PDE7A: variants seen among roughly 807,000 people sequenced by gnomAD.
PDE7A encodes the protein phosphodiesterase 7A.
In PDE7A, 39 loss-of-function variants were observed where a neutral mutation model predicts 64.3. The ratio of observed to expected loss-of-function variants is 0.61; its 90% CI spans 0.47 to 0.79. The LOEUF (loss-of-function observed/expected upper bound fraction) is 0.79, where lower values mean the gene tolerates loss of function less well. PDE7A is among the 30% of genes least tolerant of loss of function. The pLI is 0.00. For synonymous variants in PDE7A, 203 were observed against 206.8 expected (o/e 0.98, Z 0.16); for missense variants, 470 against 582.8 (o/e 0.81, Z 1.99).
chr8:65,729,221 T>C (rs1806732846), intron 7 of PDE7A, among the ~76,000 whole-genome samples: 1 of 152,166 alleles, frequency 6.6e-6, no homozygotes, highest in African/African-American at 2.4e-5. Flanking sequence ...AAAGCCATCA[T>C]TAGGGTTCTT....
At chr8:65,766,748 C>T (rs1268522810) in intron 3 of PDE7A, among the ~76,000 whole-genome samples, 10 of 152,176 alleles carry the variant, frequency 6.6e-5, no homozygotes, top group Admixed American at 6.5e-4. Context: ...TAAATTTTCC[C>T]AGCATCAGTC....
In PDE7A at chr8:65,779,737, T is replaced by C. The variant is rs1809359315; in HGVS notation, c.266A>G (p.Asp89Gly). The C allele has an allele frequency of 6.3e-7, 1 of 1,576,304 alleles. No individual in the cohort carries two copies. Among genetic ancestry groups the C allele is most frequent in the Non-Finnish European group, 8.7e-7 (1 of 1,154,634 alleles). ...ACACTTACAGTGGAAAATACGAAAA[T>C]CAATATATGGGTGAGAACCTCTTCT... is the stretch of plus-strand genomic sequence containing the variant. Reference protein sequence around the residue: ...SERRGSHPYIDFRIFHSQSEI... With the variant: ...SERRGSHPYIGFRIFHSQSEI... The change falls in exon 3 of 13, where the codon GAT becomes GGT. Residue 89 changes from aspartate (D) to glycine (G), a missense_variant. Physicochemically the swap from Asp to Gly is moderately conservative, Grantham distance 94. Coordinates refer to ENST00000401827, the MANE Select transcript of PDE7A (RefSeq NM_001242318.3).
chr8:65,832,347 A>G (rs908843635), intron 1 of PDE7A, among the ~76,000 whole-genome samples: 1 of 152,180 alleles, frequency 6.6e-6, no homozygotes, highest in Non-Finnish European at 1.5e-5. Context: ...TATGTTTTCA[A>G]TTTTTCACAG....
At chr8:65,765,029 C>A (rs1348991912) in intron 3 of PDE7A, among the ~76,000 whole-genome samples, 2 of 152,166 alleles carry the variant, frequency 1.3e-5, no homozygotes, top group African/African-American at 4.8e-5. Context: ...AAAATATACT[C>A]AGTCTCTACT....
At chr8:65,728,434 G>A (rs1199454855) in intron 7 of PDE7A, 1 of 152,128 alleles carries the variant, frequency 6.6e-6, no homozygotes, top group Non-Finnish European at 1.5e-5. Flanking sequence ...CTGAGGGCTT[G>A]AATCTCCTGG....
At chr8:65,833,943 C>T (rs1810893113) in intron 1 of PDE7A, among the ~76,000 whole-genome samples, 1 of 151,984 alleles carries the variant, frequency 6.6e-6, no homozygotes, top group South Asian at 2.1e-4. Context: ...AGAACAAGAC[C>T]CTGTCTCAAA....
chr8:65,752,502 A>G (rs539263311), intron 3 of PDE7A, among the ~76,000 whole-genome samples: 4 of 152,238 alleles, frequency 2.6e-5, no homozygotes, highest in Admixed American at 2.0e-4. Context: ...TGGCATTGAA[A>G]CTTGCAAAAT....
At chr8:65,790,902 G>T (rs935921567) in intron 1 of PDE7A, among the ~76,000 whole-genome samples, 3 of 152,176 alleles carry the variant, frequency 2.0e-5, no homozygotes, top group African/African-American at 7.2e-5. Context: ...AATGCTCCAG[G>T]GAAACACTGG....
chr8:65,799,822 T>C (rs1484878367), intron 1 of PDE7A, among the ~76,000 whole-genome samples: 1 of 152,146 alleles, frequency 6.6e-6, no homozygotes, highest in African/African-American at 2.4e-5. Context: ...TCAAAACCTT[T>C]AGGCTCACAG....
At chr8:65,790,246 A>G (rs751218401) in intron 1 of PDE7A, among the ~76,000 whole-genome samples, 1 of 152,246 alleles carries the variant, frequency 6.6e-6, no homozygotes, top group Non-Finnish European at 1.5e-5. Flanking sequence ...GCCAGGCCCT[A>G]CGAGGGCCAT....
intron 1 of PDE7A, among the ~76,000 whole-genome samples, chr8:65,828,514 ATATC>A (rs1173764570): frequency 2.0e-5 from 3 of 152,148 alleles, no homozygotes; most frequent in Admixed American, 6.6e-5. Flanking sequence ...ATGAATTAAA[ATATC>A]TATCATTACC....
intron 3 of PDE7A, among the ~76,000 whole-genome samples, chr8:65,769,328 G>A (rs113548065): frequency 6.0e-4 from 91 of 150,858 alleles, no homozygotes; most frequent in African/African-American, 1.9e-3. Context: ...TGCATGATAC[G>A]GCCATCTGAG....
At chr8:65,719,532 G>T in intron 12 of PDE7A, 37 bp from the exon 13 acceptor site, 1 of 1,310,360 alleles carries the variant, frequency 7.6e-7, no homozygotes, top group Non-Finnish European at 1.1e-6. Context: ...TAACATATAT[G>T]CTGAAACTCT....
chr8:65,739,885 T>G (rs1032661885), intron 5 of PDE7A, among the ~76,000 whole-genome samples: 4 of 152,168 alleles, frequency 2.6e-5, no homozygotes, highest in African/African-American at 9.7e-5. Context: ...ATAATGAGAA[T>G]AGACAATAGA....
chr8:65,787,246 T>C (rs529872744), intron 1 of PDE7A, among the ~76,000 whole-genome samples: 57 of 152,332 alleles, frequency 3.7e-4, no homozygotes, highest in African/African-American at 1.3e-3. Flanking sequence ...CCAAGTGTTT[T>C]CGCACAAAAT....
intron 3 of PDE7A, among the ~76,000 whole-genome samples, chr8:65,749,895 G>A (rs1367337496): frequency 6.6e-6 from 1 of 152,162 alleles, no homozygotes; most frequent in Non-Finnish European, 1.5e-5. Flanking sequence ...CTTTATTTCA[G>A]ATGAAGATAT....
chr8:65,753,970 T>C (rs1165368391), intron 3 of PDE7A, among the ~76,000 whole-genome samples: 1 of 152,132 alleles, frequency 6.6e-6, no homozygotes, highest in East Asian at 1.9e-4. Context: ...ATCTGCATGG[T>C]ATGTTATATT....
Position 65,716,861 on chromosome 8 carries a change from C to T in PDE7A, c.*2429G>A, listed in dbSNP as rs1168440775. ...GGTATGGCCATCTCACGAGAGTGAC[C>T]AGCTGACCATATTCCTCTACTACCC... On this transcript the variant is annotated 3_prime_UTR_variant, in exon 13 of 13. Transcript: ENST00000401827. Among the ~76,000 whole-genome samples the T allele has an allele frequency of 1.3e-5, 2 of 152,052 alleles. No homozygotes were observed. Among genetic ancestry groups the T allele is most frequent in the East Asian group, 3.9e-4 (2 of 5,186 alleles).
chr8:65,819,380 T>C (rs117163373), intron 1 of PDE7A, among the ~76,000 whole-genome samples: 8,753 of 152,224 alleles, frequency 0.058, 362 homozygotes, highest in Middle Eastern at 0.11. Context: ...CTGGGTGACA[T>C]AGCGAGACCC....
Sources: allele counts gnomAD v4.1 joint callset (sites outside exome capture counted in the v4.1 genomes callset), GRCh38; gene constraint gnomAD v4.1.1; transcripts MANE v1.5; gene names NCBI Gene and HGNC (gene_info 2026-07-23, HGNC 2026-07-21).